The following CSMD1 variants were observed in gnomAD, a reference collection of about 807,000 sequenced individuals.
CSMD1 encodes CUB and sushi domain-containing protein 1.
CSMD1 carries 213 observed loss-of-function variants against 417.5 expected under a neutral mutation model. The observed-to-expected ratio is 0.51, with a 90% CI of 0.46 to 0.57. The LOEUF (loss-of-function observed/expected upper bound fraction) is 0.57. Ranked by LOEUF, CSMD1 falls within the 20% of genes least tolerant of loss-of-function variation. The pLI is 0.00. For missense variants in CSMD1, 6,923 were observed against 4,529.7 expected, an observed-to-expected ratio of 1.53 and a Z score of -15.17; for synonymous variants, 2,862 against 1,736.8, an observed-to-expected ratio of 1.65 and a Z score of -16.11.
intron 1 of CSMD1, among the ~76,000 whole-genome samples, chr8:4,984,936 C>G (rs1464379472): frequency 6.6e-6 from 1 of 152,052 alleles, no homozygotes; most frequent in African/African-American, 2.4e-5. Context: ...ATCCGGAAGA[C>G]CACTGGCAAA....
At chr8:4,436,366 A>C (rs570587025) in intron 2 of CSMD1, among the ~76,000 whole-genome samples, 5 of 152,122 alleles carry the variant, frequency 3.3e-5, no homozygotes, top group Non-Finnish European at 7.4e-5. Flanking sequence ...TAATTGCCTG[A>C]TTTATACATC....
intron 8 of CSMD1, among the ~76,000 whole-genome samples, chr8:3,594,633 T>C (rs536766804): frequency 6.6e-6 from 1 of 152,302 alleles, no homozygotes; most frequent in African/African-American, 2.4e-5. Flanking sequence ...GACTTAGGTT[T>C]ATACCCTCTG....
At chr8:4,746,787 T>A (rs1810983568) in intron 1 of CSMD1, among the ~76,000 whole-genome samples, 1 of 152,182 alleles carries the variant, frequency 6.6e-6, no homozygotes, top group Non-Finnish European at 1.5e-5. Flanking sequence ...GAAGGCATCA[T>A]ACCATCAAAA....
At chr8:4,341,694 G>T (rs956581559) in intron 3 of CSMD1, among the ~76,000 whole-genome samples, 2 of 152,128 alleles carry the variant, frequency 1.3e-5, no homozygotes, top group Non-Finnish European at 2.9e-5. Flanking sequence ...AAGATAAATG[G>T]AAACCTAAGA....
intron 2 of CSMD1, among the ~76,000 whole-genome samples, chr8:4,625,434 A>AT (rs1485515242): frequency 2.6e-5 from 4 of 152,030 alleles, no homozygotes; most frequent in African/African-American, 7.3e-5. Context: ...AGAGTGCCTT[A>AT]TTTTAATGAG....
chr8:3,680,687 A>C (rs1799607157), intron 7 of CSMD1, among the ~76,000 whole-genome samples: 1 of 152,210 alleles, frequency 6.6e-6, no homozygotes, highest in Non-Finnish European at 1.5e-5. Context: ...AACTCATTTC[A>C]TGAGGCCAAC....
At chr8:3,378,062 C>A (rs1331688390) in intron 18 of CSMD1, among the ~76,000 whole-genome samples, 1 of 152,172 alleles carries the variant, frequency 6.6e-6, no homozygotes, top group East Asian at 1.9e-4. Flanking sequence ...AATAATGCAA[C>A]ATGTAAGGAT....
chr8:4,942,991 C>A (rs572898304), intron 1 of CSMD1, among the ~76,000 whole-genome samples: 2 of 152,082 alleles, frequency 1.3e-5, no homozygotes, highest in Non-Finnish European at 2.9e-5. Flanking sequence ...GAAAGTCAGG[C>A]GCTCTCAGGA....
At chr8:4,732,825 G>C (rs141727260) in intron 1 of CSMD1, among the ~76,000 whole-genome samples, 1,576 of 152,244 alleles carry the variant, frequency 0.01, 18 homozygotes, top group Non-Finnish European at 0.012. Flanking sequence ...AATGAGCTTG[G>C]AACTTCTTTG....
chr8:3,473,955 G>A (rs1191384119), intron 11 of CSMD1, among the ~76,000 whole-genome samples: 1 of 152,110 alleles, frequency 6.6e-6, no homozygotes, highest in Non-Finnish European at 1.5e-5. Flanking sequence ...GGGAGGAAAT[G>A]TCAAACATAA....
chr8:3,956,406 A>G (rs1811949666), intron 5 of CSMD1, among the ~76,000 whole-genome samples: 1 of 152,186 alleles, frequency 6.6e-6, no homozygotes, highest in African/African-American at 2.4e-5. Context: ...CCAGAAGTCT[A>G]ACTGGAGGCA....
intron 3 of CSMD1, among the ~76,000 whole-genome samples, chr8:4,191,600 A>G (rs961390476): frequency 2.0e-5 from 3 of 152,134 alleles, no homozygotes; most frequent in East Asian, 1.9e-4. Flanking sequence ...CAGCTGTTTA[A>G]GCTTTCTATG....
At chr8:4,077,466 A>C (rs1028760800) in intron 3 of CSMD1, among the ~76,000 whole-genome samples, 12 of 151,736 alleles carry the variant, frequency 7.9e-5, no homozygotes, top group African/African-American at 2.7e-4. Context: ...ATTACTCTTA[A>C]ATGTCTAGTT....
intron 25 of CSMD1, among the ~76,000 whole-genome samples, chr8:3,303,369 T>C (rs1227180918): frequency 4.6e-5 from 7 of 152,188 alleles, no homozygotes; most frequent in Non-Finnish European, 1.0e-4. Flanking sequence ...CTGATGCCAC[T>C]AGAAAGAAAA....
At chr8:3,363,574 C>T (rs1038606564) in intron 20 of CSMD1, among the ~76,000 whole-genome samples, 2 of 152,138 alleles carry the variant, frequency 1.3e-5, no homozygotes, top group South Asian at 4.2e-4. Flanking sequence ...ATTGCCGAGG[C>T]TGGAGTGCAG....
chr8:3,976,836 G>A (rs1185478981), intron 5 of CSMD1, among the ~76,000 whole-genome samples: 2 of 152,060 alleles, frequency 1.3e-5, no homozygotes, highest in African/African-American at 2.4e-5. Context: ...CTCAACCACT[G>A]CACTGACCTC....
chr8:2,982,145 C>G (rs998008252), intron 54 of CSMD1, among the ~76,000 whole-genome samples: 2 of 152,214 alleles, frequency 1.3e-5, no homozygotes, highest in African/African-American at 4.8e-5. Context: ...CATTTGAGGT[C>G]AAGAGTTCGA....
chr8:4,130,093 C>T (rs1803005702), intron 3 of CSMD1, among the ~76,000 whole-genome samples: 1 of 152,028 alleles, frequency 6.6e-6, no homozygotes, highest in South Asian at 2.1e-4. Context: ...GAGAGGAGGG[C>T]TAGGGCTGCT....
chr8:3,920,430 T>C (rs1008042986), intron 5 of CSMD1, among the ~76,000 whole-genome samples: 6 of 152,006 alleles, frequency 3.9e-5, no homozygotes, highest in African/African-American at 1.2e-4. Flanking sequence ...TCTGAAAACA[T>C]AAAATTTTAC....
Sources: allele counts gnomAD v4.1 joint callset (sites outside exome capture counted in the v4.1 genomes callset), GRCh38; gene constraint gnomAD v4.1.1; transcripts MANE v1.5; gene names NCBI Gene and HGNC (gene_info 2026-07-23, HGNC 2026-07-21).